The following PPARG variants were observed in gnomAD, a reference collection of about 807,000 sequenced individuals.
The protein encoded by PPARG is peroxisome proliferator-activated receptor gamma.
A neutral mutation model predicts 39.2 loss-of-function variants in PPARG; 17 were observed. The ratio of observed to expected loss-of-function variants is 0.43; its 90% CI spans 0.30 to 0.65. The LOEUF (loss-of-function observed/expected upper bound fraction) is 0.65. Among genes scored for constraint, PPARG ranks in the 30% least tolerant of loss-of-function variants. The pLI is 0.13. For missense variants in PPARG, 406 were observed against 585.9 expected (o/e 0.69, Z 3.17); for synonymous variants, 223 against 215.7 (o/e 1.03, Z -0.30).
At chr3:12,321,380 A>G (rs1409113935) in intron 2 of PPARG, among the ~76,000 whole-genome samples, 1 of 152,198 alleles carries the variant, frequency 6.6e-6, no homozygotes, top group African/African-American at 2.4e-5. Flanking sequence ...GCAACAGCAA[A>G]TGAGAGTCTA....
intron 5 of PPARG, among the ~76,000 whole-genome samples, chr3:12,398,239 A>G (rs1419900590): frequency 6.6e-6 from 1 of 152,208 alleles, no homozygotes; most frequent in Non-Finnish European, 1.5e-5. Context: ...CTGAAGACCA[A>G]TGCAATATTA....
At chr3:12,303,921 A>G (rs2046992418) in intron 1 of PPARG, among the ~76,000 whole-genome samples, 1 of 152,200 alleles carries the variant, frequency 6.6e-6, no homozygotes, top group African/African-American at 2.4e-5. Flanking sequence ...CTGTATTGGA[A>G]CACCAGTACA....
chr3:12,381,299 C>T lies in PPARG; in HGVS notation c.221-23C>T, dbSNP rs753368111. On this transcript the variant is annotated intron_variant, in intron 3 of 7. Coordinates refer to ENST00000651735, the MANE Select transcript of PPARG (RefSeq NM_138711.6). Reference sequence around the variant, plus strand: ...GGACTGTTTTCATGGGATAATTATCCTCTCACATGTCTCCATACACAGGTG... The same window carrying T: ...GGACTGTTTTCATGGGATAATTATCTTCTCACATGTCTCCATACACAGGTG... The T allele has an allele frequency of 2.5e-6, 4 of 1,610,302 alleles. No individual in the cohort carries two copies. The Admixed American group carries it at 5.0e-5, about 20-fold the overall frequency.
At chr3:12,376,685 C>T (rs1300541374) in intron 2 of PPARG, among the ~76,000 whole-genome samples, 1 of 152,122 alleles carries the variant, frequency 6.6e-6, no homozygotes, top group Non-Finnish European at 1.5e-5. Context: ...TAGGATGTAC[C>T]GGGCACATGG....
In PPARG at chr3:12,383,168, A is replaced by C. The variant is rs1223790699; in HGVS notation, c.390+1677A>C. On this transcript the variant is annotated intron_variant, in intron 4 of 7. Transcript: ENST00000651735. ...CATTGTATCCTTCATCAGGCCCCCC[A>C]TATGTAAAATGACTTGGTTAGATTG... 2.0e-5 allele frequency among the ~76,000 whole-genome samples: 3 copies of C among 152,150 alleles called. No homozygotes were observed. In the East Asian group the frequency reaches 5.8e-4, roughly 29 times the overall value.
In PPARG at chr3:12,434,184, C is replaced by G; in HGVS notation, c.*39C>G. On this transcript the variant is annotated 3_prime_UTR_variant, in exon 8 of 8. Coordinates refer to ENST00000651735, the MANE Select transcript of PPARG (RefSeq NM_138711.6). The surrounding 1 kb of genome is among the most constrained non-coding windows in gnomAD (Gnocchi z 4.2). ...GCCACTGCCAACATTTCCCTTCTTCCAGTTGCACTATTCTGAGGGAAAATC... is the reference window on the plus strand; with the variant it reads ...GCCACTGCCAACATTTCCCTTCTTCGAGTTGCACTATTCTGAGGGAAAATC... 1.2e-6 allele frequency: 2 copies of G among 1,613,594 alleles called. No homozygotes were observed. The highest frequency in any genetic ancestry group is 1.7e-6 in the Non-Finnish European group (2 of 1,179,716).
chr3:12,362,825 ATTTTCT>A (rs2048894636), intron 2 of PPARG, among the ~76,000 whole-genome samples: 3 of 151,708 alleles, frequency 2.0e-5, no homozygotes, highest in African/African-American at 7.3e-5. Flanking sequence ...TTTTTTATAG[ATTTTCT>A]TTAGCAGACT....
At chr3:12,430,830 T>G (rs2051636117) in intron 7 of PPARG, among the ~76,000 whole-genome samples, 1 of 151,812 alleles carries the variant, frequency 6.6e-6, no homozygotes, top group Non-Finnish European at 1.5e-5. Context: ...GAAGGGAAGG[T>G]GAGAATGTTT....
chr3:12,342,049 C>T (rs2048198217), intron 2 of PPARG, among the ~76,000 whole-genome samples: 1 of 152,108 alleles, frequency 6.6e-6, no homozygotes, highest in Non-Finnish European at 1.5e-5. Flanking sequence ...ACCATTCTAA[C>T]TTAGTGGTAG....
At chr3:12,371,712 G>A in intron 2 of PPARG, 1 of 442,902 alleles carries the variant, frequency 2.3e-6, no homozygotes, top group South Asian at 1.9e-5. Flanking sequence ...GAGAATGCCA[G>A]GCTCAGAGGA....
intron 1 of PPARG, among the ~76,000 whole-genome samples, chr3:12,304,507 T>C (rs997452986): frequency 6.6e-6 from 1 of 152,230 alleles, no homozygotes; most frequent in Non-Finnish European, 1.5e-5. Context: ...ATGATTTTAA[T>C]GCTTATGGTA....
rs148412376 is a variant in PPARG at position 12,401,794 on chromosome 3, A to G, written c.530-4088A>G. On this transcript the variant is annotated intron_variant, in intron 5 of 7. Coordinates refer to ENST00000651735, the MANE Select transcript of PPARG (RefSeq NM_138711.6). ...TATAATTGGTTGCACTGGTAGTTAA[A>G]TGGAACCTAATTTGTAGCATGGGCA... 8.6e-3 allele frequency among the ~76,000 whole-genome samples: 1,311 copies of G among 152,308 alleles called. 10 individuals carry two copies. The highest frequency in any genetic ancestry group is 0.014 in the Non-Finnish European group (977 of 68,018).
chr3:12,356,503 A>G (rs113304470), intron 2 of PPARG, among the ~76,000 whole-genome samples: 34 of 152,328 alleles, frequency 2.2e-4, no homozygotes, highest in African/African-American at 7.7e-4. Flanking sequence ...TCAACTGTCA[A>G]TTGCCTACAA....
At chr3:12,351,023 C>T (rs1405864747) in intron 2 of PPARG, among the ~76,000 whole-genome samples, 1 of 152,078 alleles carries the variant, frequency 6.6e-6, no homozygotes, top group Non-Finnish European at 1.5e-5. Flanking sequence ...CTGATACCAA[C>T]GTTTAAACTA....
intron 2 of PPARG, among the ~76,000 whole-genome samples, chr3:12,356,629 T>G (rs765001693): frequency 1.3e-5 from 2 of 152,236 alleles, no homozygotes; most frequent in Non-Finnish European, 2.9e-5. Flanking sequence ...ATGCCTATCT[T>G]TATTATCAGT....
rs1342042615 is a variant in PPARG, at chr3:12,402,684, TG to T, written c.530-3196del. 3.3e-5 allele frequency among the ~76,000 whole-genome samples: 5 copies of T among 152,270 alleles called. No individual in the cohort carries two copies. In the East Asian group the frequency reaches 7.7e-4, roughly 23 times the overall value. On this transcript the variant is annotated intron_variant, in intron 5 of 7. Coordinates refer to ENST00000651735, the MANE Select transcript of PPARG (RefSeq NM_138711.6). ...ATATACTCCTAATTGAGTGGATGGA[TG>T]GCCCATCAAAATGTCCCGTGGAAGA...
intron 5 of PPARG, among the ~76,000 whole-genome samples, chr3:12,404,315 T>C (rs1361115557): frequency 1.3e-5 from 2 of 152,142 alleles, no homozygotes; most frequent in East Asian, 3.9e-4. Flanking sequence ...TACCAAACAA[T>C]AGTTGTATTA....
At chr3:12,425,989 G>T (rs2051431768) in intron 7 of PPARG, among the ~76,000 whole-genome samples, 1 of 152,148 alleles carries the variant, frequency 6.6e-6, no homozygotes, top group Non-Finnish European at 1.5e-5. Context: ...ACAGGAAAGG[G>T]TTGCCCACCC....
chr3:12,323,282 T>C (rs1233813121), intron 2 of PPARG, among the ~76,000 whole-genome samples: 1 of 152,178 alleles, frequency 6.6e-6, no homozygotes, highest in East Asian at 1.9e-4. Context: ...TTGGATTTGA[T>C]GAAGATGTGA....
Sources: gnomAD v4.1 joint callset for allele counts (sites outside exome capture counted in the v4.1 genomes callset) on GRCh38, gnomAD v4.1.1 for gene constraint, Gnocchi (gnomAD v3.1) non-coding constraint, MANE v1.5 for transcripts, NCBI Gene and HGNC (gene_info 2026-07-23, HGNC 2026-07-21) for gene names.